The following KCNT2 variants were observed in gnomAD, a reference collection of about 807,000 sequenced individuals.
KCNT2 encodes the protein potassium sodium-activated channel subfamily T member 2.
Under a neutral mutation model 153.8 loss-of-function variants are expected in KCNT2, and 67 were observed. The observed-to-expected ratio is 0.44, with a 90% CI of 0.36 to 0.53. The LOEUF is 0.53. Among genes scored for constraint, KCNT2 ranks in the 20% least tolerant of loss-of-function variants. The probability of loss-of-function intolerance (pLI) is 0.00; values close to 1 mark genes in which losing one functional copy is unlikely to be tolerated. For missense variants in KCNT2, 975 were observed against 1,354.8 expected (o/e 0.72, Z 4.40); for synonymous variants, 500 against 458.8 (o/e 1.09, Z -1.15).
chr1:196,329,581 T>A (rs1455421186), intron 18 of KCNT2, among the ~76,000 whole-genome samples: 1 of 151,772 alleles, frequency 6.6e-6, no homozygotes, highest in Non-Finnish European at 1.5e-5. Context: ...TTGTGGTGAC[T>A]GAAGCATATA....
chr1:196,582,200 C>T (rs1260463732), intron 1 of KCNT2, among the ~76,000 whole-genome samples: 1 of 152,000 alleles, frequency 6.6e-6, no homozygotes, highest in Admixed American at 6.6e-5. Flanking sequence ...GTTCAAGTTC[C>T]TGGCTCTGCC....
At chr1:196,437,252 AT>A (rs1021868757) in intron 8 of KCNT2, among the ~76,000 whole-genome samples, 279 of 100,062 alleles carry the variant, frequency 2.8e-3, no homozygotes, top group Non-Finnish European at 4.8e-3. Context: ...ATATTTATAT[AT>A]TTTTTATAAA....
chr1:196,522,924 C>A (rs756860430), intron 1 of KCNT2, among the ~76,000 whole-genome samples: 1 of 152,186 alleles, frequency 6.6e-6, no homozygotes, highest in Non-Finnish European at 1.5e-5. Context: ...AGGATGTGGG[C>A]AGGGACAAAT....
Position 196,228,302 on chromosome 1 carries a change from A to G in KCNT2, c.3330T>C (p.Leu1110=). ...TTCTTCGACTGGGCTCACTGTTTGG[A>G]AGGTAGGCCAGTGGATCTGGTCGAA... ...YLIRPDPLAY[L]PNSEPSRRNS... is the part of the protein sequence containing the mutation. The change falls in exon 28 of 28, where the codon CTT becomes CTC. Residue 1110 remains leucine, a synonymous_variant. Transcript: ENST00000294725. 1 of 1,610,000 alleles carries G rather than the reference A, an allele frequency of 6.2e-7. No individual in the cohort carries two copies. The highest frequency in any genetic ancestry group is 8.5e-7 in the Non-Finnish European group (1 of 1,177,074).
chr1:196,246,238 A>G (rs755925487), intron 26 of KCNT2, among the ~76,000 whole-genome samples: 10 of 152,146 alleles, frequency 6.6e-5, no homozygotes, highest in Non-Finnish European at 1.5e-4. Context: ...AATAGGAATA[A>G]TACTTGTATC....
At chr1:196,401,405 G>C (rs921039764) in intron 12 of KCNT2, among the ~76,000 whole-genome samples, 3 of 151,736 alleles carry the variant, frequency 2.0e-5, no homozygotes, top group African/African-American at 7.3e-5. Flanking sequence ...TGAGATGTTA[G>C]AATTAGCAGA....
chr1:196,463,889 AAGT>A (rs539486409), intron 8 of KCNT2, among the ~76,000 whole-genome samples: 40 of 151,872 alleles, frequency 2.6e-4, no homozygotes, highest in African/African-American at 9.2e-4. Context: ...TCCAGAACAA[AAGT>A]ACTGCTAAAT....
At chr1:196,447,109 C>T (rs1161025629) in intron 8 of KCNT2, among the ~76,000 whole-genome samples, 1 of 151,438 alleles carries the variant, frequency 6.6e-6, no homozygotes. Context: ...CTTTCTCTTT[C>T]TTTCCATCTT....
chr1:196,273,535 CAA>C, intron 25 of KCNT2: 1 of 1,437,432 alleles, frequency 7.0e-7, no homozygotes, highest in South Asian at 1.2e-5. Context: ...ACAGTTTAAA[CAA>C]TGACTAAACA....
chr1:196,547,254 G>A (rs1184335661), intron 1 of KCNT2, among the ~76,000 whole-genome samples: 4 of 151,910 alleles, frequency 2.6e-5, no homozygotes, highest in East Asian at 1.9e-4. Flanking sequence ...TACTATTAGT[G>A]AGACAATTAT....
intron 5 of KCNT2, among the ~76,000 whole-genome samples, chr1:196,472,965 G>A (rs1012709012): frequency 3.3e-5 from 5 of 151,992 alleles, no homozygotes; most frequent in Admixed American, 3.3e-4. Flanking sequence ...ACAAAACAAA[G>A]ACAAAAATGT....
At chr1:196,472,974 G>T (rs1678226154) in intron 5 of KCNT2, among the ~76,000 whole-genome samples, 1 of 152,132 alleles carries the variant, frequency 6.6e-6, no homozygotes, top group African/African-American at 2.4e-5. Context: ...AGACAAAAAT[G>T]TGATTATATC....
At chr1:196,381,203 T>C (rs1197915623) in intron 13 of KCNT2, among the ~76,000 whole-genome samples, 1 of 152,134 alleles carries the variant, frequency 6.6e-6, no homozygotes, top group African/African-American at 2.4e-5. Flanking sequence ...TTTCAGGCTA[T>C]TAAATACTCA....
At chr1:196,478,869 A>G (rs909242328) in intron 5 of KCNT2, among the ~76,000 whole-genome samples, 3 of 152,194 alleles carry the variant, frequency 2.0e-5, no homozygotes, top group African/African-American at 7.2e-5. Flanking sequence ...CTTTCTCAAT[A>G]TTTTGTGTAC....
At chr1:196,423,511 C>A (rs1174168198) in intron 11 of KCNT2, among the ~76,000 whole-genome samples, 1 of 151,684 alleles carries the variant, frequency 6.6e-6, no homozygotes, top group African/African-American at 2.4e-5. Context: ...CCTCTGTATT[C>A]ATAAGTAAAA....
chr1:196,460,472 G>A (rs1677052904), intron 8 of KCNT2, among the ~76,000 whole-genome samples: 1 of 151,654 alleles, frequency 6.6e-6, no homozygotes, highest in East Asian at 1.9e-4. Context: ...GCAAATATTA[G>A]TTAAACATCT....
intron 8 of KCNT2, among the ~76,000 whole-genome samples, chr1:196,464,078 A>T (rs866431400): frequency 3.3e-5 from 5 of 151,974 alleles, no homozygotes; most frequent in African/African-American, 9.6e-5. Context: ...TAATTTTTTT[A>T]AAAATTTTAA....
At chr1:196,396,329 A>G (rs1004224869) in intron 13 of KCNT2, among the ~76,000 whole-genome samples, 2 of 151,704 alleles carry the variant, frequency 1.3e-5, no homozygotes, top group Non-Finnish European at 3.0e-5. Flanking sequence ...CAAATCACAA[A>G]GCAAACCTTA....
intron 12 of KCNT2, among the ~76,000 whole-genome samples, chr1:196,418,639 C>T (rs1041795336): frequency 6.6e-6 from 1 of 152,052 alleles, no homozygotes; most frequent in Non-Finnish European, 1.5e-5. Flanking sequence ...TATATGCACA[C>T]CCACCCCTGG....
Sources: gnomAD v4.1 joint callset for allele counts (sites outside exome capture counted in the v4.1 genomes callset) on GRCh38, gnomAD v4.1.1 for gene constraint, MANE v1.5 for transcripts, NCBI Gene and HGNC (gene_info 2026-07-23, HGNC 2026-07-21) for gene names.